The following STIM1 variants were observed in gnomAD, a reference collection of about 807,000 sequenced individuals.
STIM1 encodes the protein stromal interaction molecule 1.
In STIM1, 25 loss-of-function variants were observed where a neutral mutation model predicts 74.7. That is an observed-to-expected ratio of 0.33 (90% CI 0.24 to 0.47). The LOEUF is 0.47. Ranked by LOEUF, STIM1 falls within the 20% of genes least tolerant of loss-of-function variation. The pLI is 1.00. For synonymous variants in STIM1, 328 were observed against 348.8 expected (o/e 0.94, Z 0.66); for missense variants, 728 against 920.8 (o/e 0.79, Z 2.71).
chr11:3,929,614 C>A (rs1339497640), intron 1 of STIM1, among the ~76,000 whole-genome samples: 1 of 152,158 alleles, frequency 6.6e-6, no homozygotes, highest in African/African-American at 2.4e-5. Flanking sequence ...ATATTGGGGT[C>A]ATCTGGCCTA....
chr11:4,053,394 T>C (rs1590676909), intron 3 of STIM1, among the ~76,000 whole-genome samples: 1 of 152,148 alleles, frequency 6.6e-6, no homozygotes. Context: ...TGGAATACTA[T>C]GCAGCCATAA....
chr11:4,059,196 G>T (rs1163540935), intron 4 of STIM1, 85 bp from the exon 5 acceptor site: 4 of 1,178,404 alleles, frequency 3.4e-6, no homozygotes, highest in Middle Eastern at 2.0e-4. Flanking sequence ...AGCTAGAAGT[G>T]TTCCTGGGGG....
rs200075076 is a variant in STIM1 at position 4,023,950 on chromosome 11, C to T, written c.348C>T (p.Ser116=). The T allele has an allele frequency of 1.1e-5, 17 of 1,613,794 alleles. No individual in the cohort carries two copies. Among genetic ancestry groups the T allele is most frequent in the East Asian group, 2.2e-5 (1 of 44,884 alleles). Residue 116 remains serine, a synonymous_variant, in exon 3 of 13, where the codon AGC becomes AGT. Coordinates refer to ENST00000526596, the MANE Select transcript of STIM1 (RefSeq NM_001382567.1). ...STFHGEDKLI[S]VEDLWKAWKS... ...TCCATGGTGAGGATAAGCTCATCAG[C>T]GTGGAGGACCTGTGGAAGGCATGGA... is the stretch of plus-strand genomic sequence containing the variant.
At chr11:4,034,219 A>G (rs1281011238) in intron 3 of STIM1, among the ~76,000 whole-genome samples, 1 of 151,882 alleles carries the variant, frequency 6.6e-6, no homozygotes, top group Non-Finnish European at 1.5e-5. Flanking sequence ...ACAGAGTGAG[A>G]CACTGTCTCG....
chr11:4,009,273 C>G lies in STIM1; in HGVS notation c.271-14600C>G, dbSNP rs1407455234. ...TCGCGCCACTGCACTCCAGCCTGTG[C>G]AACAGGGAAAGAGTGTCTCAAAAAA... On this transcript the variant is annotated intron_variant, in intron 2 of 12. Transcript: ENST00000526596. Among the ~76,000 whole-genome samples, 3 of 143,766 alleles carry G rather than the reference C, an allele frequency of 2.1e-5. No homozygotes were observed. In the East Asian group the frequency reaches 6.2e-4, roughly 30 times the overall value. The allele number at this position is 143,766 out of a possible 152,430, so 94.3% of individuals were successfully genotyped here. A position where few individuals can be genotyped will look rare whatever the true frequency, so the allele number is the denominator to read the frequency against.
chr11:3,859,224 A>G (rs1356797286), intron 1 of STIM1, among the ~76,000 whole-genome samples: 1 of 152,226 alleles, frequency 6.6e-6, no homozygotes, highest in Non-Finnish European at 1.5e-5. Flanking sequence ...TGCATACAAT[A>G]AACACTATGA....
chr11:4,024,103 G>A, intron 3 of STIM1, 116 bp downstream of exon 3: 2 of 779,162 alleles, frequency 2.6e-6, no homozygotes, highest in Non-Finnish European at 4.4e-6. Flanking sequence ...GCAAATTATT[G>A]AAGTTATTCT....
intron 1 of STIM1, among the ~76,000 whole-genome samples, chr11:3,877,771 A>G (rs1049887174): frequency 1.3e-5 from 2 of 152,154 alleles, no homozygotes; most frequent in African/African-American, 4.8e-5. Context: ...CCCTTGTCAT[A>G]TATGCACAAG....
chr11:4,051,720 C>G lies in STIM1; in HGVS notation c.386-3806C>G, dbSNP rs2094243979. On this transcript the variant is annotated intron_variant, in intron 3 of 12. Coordinates refer to ENST00000526596, the MANE Select transcript of STIM1 (RefSeq NM_001382567.1). ...AGAGTGCAGTGGCGTGATCATGGCT[C>G]TCTGCAGGCTCAATCTCCCAGGCTC... 1.3e-5 allele frequency among the ~76,000 whole-genome samples: 2 copies of G among 152,084 alleles called. 1 individual carries two copies. The highest frequency in any genetic ancestry group is 4.1e-4 in the South Asian group (2 of 4,830).
intron 1 of STIM1, chr11:3,903,379 A>C (rs753509324): frequency 1.3e-5 from 2 of 152,352 alleles, no homozygotes; most frequent in Non-Finnish European, 2.9e-5. Context: ...GATGGAAGGC[A>C]AGAAGACCAG....
At chr11:3,995,598 G>A (rs914883354) in intron 2 of STIM1, among the ~76,000 whole-genome samples, 1 of 152,100 alleles carries the variant, frequency 6.6e-6, no homozygotes, top group Non-Finnish European at 1.5e-5. Flanking sequence ...CTATATTAGG[G>A]TTCCTTTGAA....
chr11:3,920,412 C>T (rs148904360), intron 1 of STIM1, among the ~76,000 whole-genome samples: 1 of 152,296 alleles, frequency 6.6e-6, no homozygotes, highest in African/African-American at 2.4e-5. Context: ...TTTCTGTCTC[C>T]ATGAATTTGC....
chr11:3,974,872 T>C (rs986907661), intron 2 of STIM1, among the ~76,000 whole-genome samples: 4 of 152,158 alleles, frequency 2.6e-5, no homozygotes, highest in Admixed American at 2.0e-4. Flanking sequence ...CTTAACAGTA[T>C]GAGTTGGGCA....
intron 2 of STIM1, among the ~76,000 whole-genome samples, chr11:4,015,424 G>T (rs2093886260): frequency 6.6e-6 from 1 of 152,216 alleles, no homozygotes; most frequent in African/African-American, 2.4e-5. Context: ...CTGTTAGTCT[G>T]ATGGGCTTCC....
intron 2 of STIM1, among the ~76,000 whole-genome samples, chr11:4,005,572 A>C (rs1361363968): frequency 1.1e-5 from 1 of 90,380 alleles, no homozygotes; most frequent in African/African-American, 4.4e-5. Flanking sequence ...CACTCTGGGG[A>C]CTGTTGTGGG....
intron 2 of STIM1, among the ~76,000 whole-genome samples, chr11:4,012,366 C>G (rs568182947): frequency 6.6e-6 from 1 of 152,098 alleles, no homozygotes; most frequent in Non-Finnish European, 1.5e-5. Flanking sequence ...GCATGGAATG[C>G]TCTTCCATTT....
intron 1 of STIM1, among the ~76,000 whole-genome samples, chr11:3,912,351 A>G (rs1256399169): frequency 3.3e-5 from 5 of 149,266 alleles, no homozygotes; most frequent in Admixed American, 2.7e-4. Context: ...AAACTTCAGT[A>G]TAGCTGGGTT....
intron 1 of STIM1, among the ~76,000 whole-genome samples, chr11:3,964,367 G>A (rs1194084616): frequency 5.9e-5 from 9 of 152,188 alleles, no homozygotes; most frequent in Admixed American, 6.5e-5. Flanking sequence ...GGCTGACATG[G>A]TTTTTCTGTA....
At chr11:4,023,044 C>G (rs749246120) in intron 2 of STIM1, among the ~76,000 whole-genome samples, 8 of 152,194 alleles carry the variant, frequency 5.3e-5, no homozygotes, top group Non-Finnish European at 7.3e-5. Context: ...AAAACCATTA[C>G]AGTCGGCCGG....
Sources: gnomAD v4.1 joint callset for allele counts (sites outside exome capture counted in the v4.1 genomes callset) on GRCh38, gnomAD v4.1.1 for gene constraint, MANE v1.5 for transcripts, NCBI Gene and HGNC (gene_info 2026-07-23, HGNC 2026-07-21) for gene names.